The following MYOM1 variants were observed in gnomAD, a reference collection of about 807,000 sequenced individuals.
The protein encoded by MYOM1 is myomesin-1.
Under a neutral mutation model 205.3 loss-of-function variants are expected in MYOM1, and 164 were observed. The observed-to-expected ratio is 0.80, with a 90% CI of 0.70 to 0.91. MYOM1 has a LOEUF of 0.91. Among genes scored for constraint, MYOM1 ranks in the 40% least tolerant of loss-of-function variants. MYOM1 has a pLI of 0.00. For synonymous variants in MYOM1, 772 were observed against 789.4 expected (o/e 0.98, Z 0.37); for missense variants, 2,011 against 2,127.3 (o/e 0.95, Z 1.08).
chr18:3,159,090 A>G (rs2080343973), intron 10 of MYOM1, among the ~76,000 whole-genome samples: 1 of 152,228 alleles, frequency 6.6e-6, no homozygotes, highest in Non-Finnish European at 1.5e-5. Context: ...AAAAGAAAAG[A>G]GAAAGAGAAG....
rs376484156 is a variant in MYOM1 at position 3,148,619 on chromosome 18, G to A, written c.1900+526C>T. On this transcript the variant is annotated intron_variant, in intron 13 of 37. Transcript: ENST00000356443. Reference sequence around the variant, plus strand: ...TCCCAGCACTTTGGGAGGCCGAGACGGGCGGATCACGAGGTCAGGAGATCG... The same window carrying A: ...TCCCAGCACTTTGGGAGGCCGAGACAGGCGGATCACGAGGTCAGGAGATCG... Among the ~76,000 whole-genome samples, 30 of 152,006 alleles carry A rather than the reference G, an allele frequency of 2.0e-4. 1 individual carries two copies. The East Asian group carries it at 5.0e-3, about 26-fold the overall frequency.
chr18:3,075,420 G>C, intron 36 of MYOM1, 34 bp downstream of exon 36: 1 of 1,591,946 alleles, frequency 6.3e-7, no homozygotes, highest in Non-Finnish European at 8.6e-7. Flanking sequence ...TATCCCAGGA[G>C]TACTTGTGAA....
rs2078905181 is a variant in MYOM1 at position 3,067,234 on chromosome 18, G to A, written c.*28C>T. The A allele has an allele frequency of 6.4e-7, 1 of 1,558,676 alleles. No homozygotes were observed. Among genetic ancestry groups the A allele is most frequent in the Non-Finnish European group, 8.7e-7 (1 of 1,150,314 alleles). On this transcript the variant is annotated 3_prime_UTR_variant, in exon 38 of 38. Transcript: ENST00000356443. Reference sequence around the variant, plus strand: ...AAACCATTCACACCCAAGTCACACAGGCCGGCTGGCTCTCCTCGCACCTCC... The same window carrying A: ...AAACCATTCACACCCAAGTCACACAAGCCGGCTGGCTCTCCTCGCACCTCC...
chr18:3,136,032 G>A (rs896267531), intron 14 of MYOM1, among the ~76,000 whole-genome samples: 5 of 152,142 alleles, frequency 3.3e-5, no homozygotes, highest in Non-Finnish European at 7.3e-5. Context: ...TCATGGGGGC[G>A]GTTTCCCCCA....
At chr18:3,122,216 CAA>C (rs2079705539) in intron 19 of MYOM1, among the ~76,000 whole-genome samples, 1 of 143,872 alleles carries the variant, frequency 7.0e-6, no homozygotes, top group African/African-American at 2.6e-5. Flanking sequence ...TAATAGCAAA[CAA>C]ATGACAAAGA....
intron 5 of MYOM1, 62 bp from the exon 6 acceptor site, chr18:3,176,196 C>G (rs977096883): frequency 8.5e-6 from 8 of 943,252 alleles, no homozygotes; most frequent in Non-Finnish European, 1.4e-5. Context: ...TGATTAAACA[C>G]ACACACAATT....
At chr18:3,122,568 T>C (rs9962716) in intron 19 of MYOM1, among the ~76,000 whole-genome samples, 32,368 of 152,124 alleles carry the variant, frequency 0.21, 3,741 homozygotes, top group African/African-American at 0.29. Context: ...TGTACTATCC[T>C]TGTCAGATAT....
At chr18:3,096,006 G>T (rs1023268034) in intron 25 of MYOM1, among the ~76,000 whole-genome samples, 5 of 152,194 alleles carry the variant, frequency 3.3e-5, no homozygotes, top group Admixed American at 6.5e-5. Context: ...CCAGAGTGAT[G>T]AGGGAGGAGG....
Position 3,142,047 on chromosome 18 carries a change from G to A in MYOM1, c.1917C>T (p.Gly639=), listed in dbSNP as rs761762328. 3.1e-6 allele frequency: 5 copies of A among 1,613,720 alleles called. No individual in the cohort carries two copies. Among genetic ancestry groups the A allele is most frequent in the Middle Eastern group, 3.3e-4 (2 of 6,054 alleles). ...CAGTGACAGAGAGGTCTGTCGGGGG[G>A]CCAGGCACAATACCCTCTGAAAAAC... The part of the protein sequence containing the change: ...EEEPSEGIVP[G]PPTDLSVTEA... Residue 639 remains glycine, a synonymous_variant, in exon 14 of 38, where the codon GGC becomes GGT. Coordinates refer to ENST00000356443, the MANE Select transcript of MYOM1 (RefSeq NM_003803.4).
chr18:3,146,444 T>C (rs953836971), intron 13 of MYOM1, among the ~76,000 whole-genome samples: 3 of 152,172 alleles, frequency 2.0e-5, no homozygotes, highest in African/African-American at 4.8e-5. Flanking sequence ...TAGTTTGCGT[T>C]ATTTATTTTA....
chr18:3,227,780 C>T, the MYOM1 span, among the ~76,000 whole-genome samples: 406 of 152,194 alleles, frequency 2.7e-3, 2 homozygotes, highest in African/African-American at 9.3e-3. Context: ...CGAGCCACTG[C>T]ACTCTAGGCC....
chr18:3,130,550 C>T (rs903710638), intron 17 of MYOM1, among the ~76,000 whole-genome samples: 5 of 152,126 alleles, frequency 3.3e-5, no homozygotes, highest in Non-Finnish European at 7.4e-5. Flanking sequence ...CTCTTGGACT[C>T]AAGTGATCCA....
At chr18:3,090,379 C>G (rs1253812398) in intron 27 of MYOM1, among the ~76,000 whole-genome samples, 1 of 151,994 alleles carries the variant, frequency 6.6e-6, no homozygotes, top group Non-Finnish European at 1.5e-5. Context: ...ACCACCATGC[C>G]TGGCTAATTT....
intron 12 of MYOM1, among the ~76,000 whole-genome samples, chr18:3,149,818 C>T (rs1031116855): frequency 2.4e-4 from 36 of 152,126 alleles, no homozygotes; most frequent in Non-Finnish European, 1.2e-4. Context: ...TCTACTCTTG[C>T]ATTAACCAGG....
chr18:3,084,251 T>C (rs1184725533), intron 31 of MYOM1, among the ~76,000 whole-genome samples: 1 of 152,220 alleles, frequency 6.6e-6, no homozygotes, highest in Non-Finnish European at 1.5e-5. Context: ...CTTGAATTCT[T>C]TGTCACAATC....
chr18:3,088,675 T>G (rs925906429), intron 29 of MYOM1, among the ~76,000 whole-genome samples: 2 of 152,208 alleles, frequency 1.3e-5, no homozygotes, highest in African/African-American at 4.8e-5. Flanking sequence ...AATTTTTTTT[T>G]CCTGAATCTT....
intron 37 of MYOM1, 122 bp from the exon 38 acceptor site, chr18:3,067,677 C>T (rs1035522479): frequency 6.7e-6 from 7 of 1,047,428 alleles, no homozygotes; most frequent in East Asian, 2.6e-5. Context: ...GCCTCCCGGA[C>T]CAGGGTTTAA....
In MYOM1 at chr18:3,189,649, C is replaced by T. The variant is rs1452025016; in HGVS notation, c.432-562G>A. On this transcript the variant is annotated intron_variant, in intron 3 of 37. Transcript: ENST00000356443. The surrounding 1 kb of genome is among the most constrained non-coding windows in gnomAD (Gnocchi z 4.8). ...TGCTGGGATTACAGGCATGATCCAC[C>T]GTGCCTGGCCAAGATAAATTATTAT... Among the ~76,000 whole-genome samples, 2 of 152,194 alleles carry T rather than the reference C, an allele frequency of 1.3e-5. No homozygotes were observed. The highest frequency in any genetic ancestry group is 2.9e-5 in the Non-Finnish European group (2 of 68,042).
At chr18:3,096,742 G>C (rs1297135437) in intron 25 of MYOM1, among the ~76,000 whole-genome samples, 1 of 152,100 alleles carries the variant, frequency 6.6e-6, no homozygotes, top group African/African-American at 2.4e-5. Flanking sequence ...GTAAAAACCG[G>C]TGTCTGCAAA....
Sources: gnomAD v4.1 joint callset for allele counts (sites outside exome capture counted in the v4.1 genomes callset) on GRCh38, gnomAD v4.1.1 for gene constraint, Gnocchi (gnomAD v3.1) non-coding constraint, MANE v1.5 for transcripts, NCBI Gene and HGNC (gene_info 2026-07-23, HGNC 2026-07-21) for gene names.